Variants in VPS35L observed in about 807,000 individuals in gnomAD.
VPS35L encodes the protein VPS35 endosomal protein sorting factor like, also known as VPS35 endosomal protein-sorting factor-like.
A neutral mutation model predicts 133.0 loss-of-function variants in VPS35L; 83 were observed. The observed-to-expected ratio is 0.62, with a 90% CI of 0.52 to 0.75. VPS35L has a LOEUF of 0.75. Ranked by LOEUF, VPS35L falls within the 30% of genes least tolerant of loss-of-function variation. VPS35L has a pLI of 0.00. For missense variants in VPS35L, 1,083 were observed against 1,206.8 expected (o/e 0.90, Z 1.52); for synonymous variants, 423 against 449.9 (o/e 0.94, Z 0.76).
chr16:19,660,503 A>T (rs1405122438), intron 26 of VPS35L, among the ~76,000 whole-genome samples: 1 of 152,176 alleles, frequency 6.6e-6, no homozygotes, highest in Admixed American at 6.5e-5. Context: ...GTTCAGCCTC[A>T]GGAGTTTATG....
chr16:19,606,294 C>A (rs140000722), intron 9 of VPS35L, among the ~76,000 whole-genome samples: 8 of 152,242 alleles, frequency 5.3e-5, no homozygotes, highest in African/African-American at 1.9e-4. Flanking sequence ...AAGATTCAGT[C>A]ATATGAAGGG....
At chr16:19,667,740 A>G (rs35743011) in intron 26 of VPS35L, among the ~76,000 whole-genome samples, 8,963 of 151,684 alleles carry the variant, frequency 0.059, 469 homozygotes, top group African/African-American at 0.14. Flanking sequence ...TCTGGAAAAA[A>G]AAAAAAAAAA....
intron 8 of VPS35L, among the ~76,000 whole-genome samples, chr16:19,595,286 G>C (rs528268290): frequency 1.6e-4 from 24 of 152,136 alleles, no homozygotes; most frequent in Non-Finnish European, 3.2e-4. Context: ...GGCAGCACTT[G>C]CGGTGAGAGG....
intron 13 of VPS35L, among the ~76,000 whole-genome samples, 182 bp from the exon 14 acceptor site, chr16:19,616,504 T>A (rs776017672): frequency 6.6e-6 from 1 of 151,516 alleles, no homozygotes; most frequent in Non-Finnish European, 1.5e-5. Flanking sequence ...CTCGGCTTGG[T>A]GACATGAGAA....
intron 7 of VPS35L, among the ~76,000 whole-genome samples, chr16:19,589,728 T>C (rs900149682): frequency 1.3e-5 from 2 of 152,248 alleles, no homozygotes; most frequent in Non-Finnish European, 2.9e-5. Flanking sequence ...CTGTTGTCCT[T>C]TATAAAATAT....
At chr16:19,605,743 T>A (rs1232129484) in intron 9 of VPS35L, among the ~76,000 whole-genome samples, 2 of 152,200 alleles carry the variant, frequency 1.3e-5, no homozygotes, top group African/African-American at 4.8e-5. Context: ...TAAATCACAC[T>A]CAAGTCACTC....
rs1390867531 is a variant in VPS35L at position 19,581,521 on chromosome 16, A to G, written c.511-4A>G. 1.9e-6 allele frequency: 3 copies of G among 1,595,214 alleles called. No homozygotes were observed. The highest frequency in any genetic ancestry group is 2.6e-6 in the Non-Finnish European group (3 of 1,169,350). ...TGCCTTCACCTTCTGCCTTCTCCCC[A>G]CAGGGTTCCCAAAAGGAGCTGTTGA... On this transcript the variant is annotated splice_polypyrimidine_tract_variant and splice_region_variant and intron_variant, in intron 6 of 30. Transcript: ENST00000417362.
intron 8 of VPS35L, 146 bp downstream of exon 8, chr16:19,592,020 C>A: frequency 1.7e-6 from 1 of 592,944 alleles, no homozygotes; most frequent in South Asian, 2.4e-5. Flanking sequence ...CCCCCCCACG[C>A]CCATTAATAA....
chr16:19,613,685 A>C (rs547391907), intron 12 of VPS35L, among the ~76,000 whole-genome samples: 1 of 151,740 alleles, frequency 6.6e-6, no homozygotes, highest in Admixed American at 6.6e-5. Context: ...TTGTTTGTCC[A>C]CCCCTAGACT....
At position 19,564,949 on chromosome 16, in the gene VPS35L, C is replaced by A; in HGVS notation, c.116C>A (p.Thr39Asn). The change falls in exon 2 of 31, where the codon ACT becomes AAT. Residue 39 changes from threonine to asparagine, a missense_variant and splice_region_variant. Thr to Asn is a moderately conservative substitution (Grantham distance 65). Coordinates refer to ENST00000417362, the MANE Select transcript of VPS35L (RefSeq NM_020314.7). ...FGDYHPLKPI[T>N]VTESKTKKVN... ...GACTATCACCCTCTGAAACCCATAACTGTAAGTTTTGTTAAGGGTCTTTCT... is the reference window on the plus strand; with the variant it reads ...GACTATCACCCTCTGAAACCCATAAATGTAAGTTTTGTTAAGGGTCTTTCT... 1 of 1,597,694 alleles carries A rather than the reference C, an allele frequency of 6.3e-7. No individual in the cohort carries two copies. Among genetic ancestry groups the A allele is most frequent in the Non-Finnish European group, 8.6e-7 (1 of 1,165,580 alleles).
chr16:19,616,833 G>C, intron 14 of VPS35L, 25 bp downstream of exon 14: 1 of 1,614,130 alleles, frequency 6.2e-7, no homozygotes, highest in Admixed American at 1.7e-5. Context: ...GCTTCAGTGT[G>C]ACGCTCACCT....
At chr16:19,559,047 G>A (rs150379768) in intron 1 of VPS35L, among the ~76,000 whole-genome samples, 16 of 152,172 alleles carry the variant, frequency 1.1e-4, no homozygotes, top group African/African-American at 2.6e-4. Context: ...TGTGTGGTCC[G>A]ATTATGTGAT....
At chr16:19,580,045 C>A (rs541944461) in intron 6 of VPS35L, among the ~76,000 whole-genome samples, 1 of 150,586 alleles carries the variant, frequency 6.6e-6, no homozygotes, top group Admixed American at 6.6e-5. Context: ...ACTAAAAATA[C>A]AAAAATTAGC....
rs1976025287 is a variant in VPS35L at position 19,699,299 on chromosome 16, T to G, written c.2647-203T>G. On this transcript the variant is annotated intron_variant, in intron 29 of 30. Transcript: ENST00000417362. This position sits in a 1 kb window ranked among gnomAD's most constrained non-coding sequence, Gnocchi z 4.2. ...GTCATCTTACTGAATCCCCGCCCTT[T>G]GCAGGGGTGACCTTACTGTCACTTA... is the stretch of plus-strand genomic sequence containing the variant. 1.8e-6 allele frequency: 1 copy of G among 571,148 alleles called. No individual in the cohort carries two copies. Among genetic ancestry groups the G allele is most frequent in the South Asian group, 2.1e-5 (1 of 47,466 alleles). 35.4% of individuals were successfully genotyped at this position (571,148 alleles called of 1,614,324 possible).
At chr16:19,601,071 G>A (rs1972367341) in intron 8 of VPS35L, among the ~76,000 whole-genome samples, 1 of 152,148 alleles carries the variant, frequency 6.6e-6, no homozygotes, top group African/African-American at 2.4e-5. Flanking sequence ...TGAAACTACA[G>A]GCGTGCACTG....
At chr16:19,576,666 C>T (rs926089973) in intron 5 of VPS35L, among the ~76,000 whole-genome samples, 1 of 152,116 alleles carries the variant, frequency 6.6e-6, no homozygotes, top group Non-Finnish European at 1.5e-5. Context: ...CCACTCTCCC[C>T]ACGGCTCTGC....
At chr16:19,654,221 G>A (rs937389778) in intron 26 of VPS35L, among the ~76,000 whole-genome samples, 11 of 152,112 alleles carry the variant, frequency 7.2e-5, no homozygotes, top group Admixed American at 5.2e-4. Flanking sequence ...TAGAGTAGCC[G>A]CCCTGCCCTA....
chr16:19,667,594 G>T lies in VPS35L; in HGVS notation c.2222-1566G>T, dbSNP rs528029814. 2.0e-4 allele frequency among the ~76,000 whole-genome samples: 31 copies of T among 151,962 alleles called. No individual in the cohort carries two copies. In the South Asian group the frequency reaches 3.7e-3, roughly 18 times the overall value. On this transcript the variant is annotated intron_variant, in intron 26 of 30. Coordinates refer to ENST00000417362, the MANE Select transcript of VPS35L (RefSeq NM_020314.7). ...ACAAAAAATACAAAAATTAGCCAGGGATGATGGTGCACTCCTGTAGTCCCA... is the reference window on the plus strand; with the variant it reads ...ACAAAAAATACAAAAATTAGCCAGGTATGATGGTGCACTCCTGTAGTCCCA...
chr16:19,590,133 CG>C (rs1462868557), intron 7 of VPS35L, among the ~76,000 whole-genome samples: 266 of 27,480 alleles, frequency 9.7e-3, no homozygotes, highest in Non-Finnish European at 0.012. Flanking sequence ...CTTACATTCC[CG>C]CCCCGCCCCC....
Sources: allele counts gnomAD v4.1 joint callset (sites outside exome capture counted in the v4.1 genomes callset), GRCh38; gene constraint gnomAD v4.1.1; non-coding constraint Gnocchi (gnomAD v3.1); transcripts MANE v1.5; gene names NCBI Gene and HGNC (gene_info 2026-07-23, HGNC 2026-07-21).